Variants in KRABD5 observed in about 807,000 individuals in gnomAD.
The protein encoded by KRABD5 is KRAB domain-containing protein 5.
chr16:31,727,700 G>A, the KRABD5 span, among the ~76,000 whole-genome samples: 2 of 151,900 alleles, frequency 1.3e-5, no homozygotes, highest in Non-Finnish European at 2.9e-5. Context: ...TCTGTTCAGT[G>A]TTTCTGTTTC....
chr16:31,755,584 G>C, the KRABD5 span: 2 of 468,250 alleles, frequency 4.3e-6, no homozygotes, highest in African/African-American at 4.0e-5. Flanking sequence ...CCTTTAACCG[G>C]TCTTCAAACC....
chr16:31,721,730 A>G, the KRABD5 span, among the ~76,000 whole-genome samples: 1 of 152,232 alleles, frequency 6.6e-6, no homozygotes. Context: ...TGTAAATTTC[A>G]TAAAACTCTC....
At chr16:31,751,592 T>C in the KRABD5 span, among the ~76,000 whole-genome samples, 3 of 152,222 alleles carry the variant, frequency 2.0e-5, no homozygotes, top group Admixed American at 6.5e-5. Flanking sequence ...GAATCTTTTG[T>C]ATACCTGTGG....
At chr16:31,718,227 C>T in the KRABD5 span, among the ~76,000 whole-genome samples, 3 of 152,198 alleles carry the variant, frequency 2.0e-5, no homozygotes. Flanking sequence ...GAGCAGAATT[C>T]CTGAGGGGCT....
At chr16:31,740,008 G>C in the KRABD5 span, among the ~76,000 whole-genome samples, 127 of 152,136 alleles carry the variant, frequency 8.3e-4, no homozygotes, top group Non-Finnish European at 1.4e-3. Context: ...TTTCCTGTAA[G>C]GAATACTTTT....
At chr16:31,734,008 C>A in the KRABD5 span, among the ~76,000 whole-genome samples, 92,281 of 152,030 alleles carry the variant, frequency 0.61, 29,076 homozygotes, top group Middle Eastern at 0.73. Flanking sequence ...ATTTTCATGA[C>A]CAAGCTTTCC....
At chr16:31,717,661 C>G in the KRABD5 span, among the ~76,000 whole-genome samples, 1 of 152,124 alleles carries the variant, frequency 6.6e-6, no homozygotes. Flanking sequence ...CCTTCACATT[C>G]TGGTCTCATT....
At chr16:31,714,732 A>G in the KRABD5 span, among the ~76,000 whole-genome samples, 37 of 152,180 alleles carry the variant, frequency 2.4e-4, no homozygotes, top group Non-Finnish European at 4.9e-4. Context: ...CACAGCAGCC[A>G]TGGAGGGAGC....
the KRABD5 span, among the ~76,000 whole-genome samples, chr16:31,742,934 A>G: frequency 6.6e-6 from 1 of 152,016 alleles, no homozygotes; most frequent in Non-Finnish European, 1.5e-5. Context: ...TGTTTTTCTT[A>G]TGTTTGTTGG....
the KRABD5 span, among the ~76,000 whole-genome samples, chr16:31,732,144 T>G: frequency 6.6e-6 from 1 of 152,222 alleles, no homozygotes; most frequent in Non-Finnish European, 1.5e-5. Flanking sequence ...CCATGATCAA[T>G]AAGCCTACCC....
chr16:31,741,498 A>G, the KRABD5 span, among the ~76,000 whole-genome samples: 6 of 152,272 alleles, frequency 3.9e-5, no homozygotes, highest in East Asian at 1.2e-3. Flanking sequence ...AGTAATCACT[A>G]TTCTGAGTGG....
chr16:31,754,635 A>G, the KRABD5 span: 3 of 465,072 alleles, frequency 6.5e-6, no homozygotes, highest in Admixed American at 4.7e-5. Context: ...GCCAAATGTA[A>G]TAAGTGTATA....
the KRABD5 span, among the ~76,000 whole-genome samples, chr16:31,743,361 C>T: frequency 6.6e-6 from 1 of 152,090 alleles, no homozygotes; most frequent in South Asian, 2.1e-4. Flanking sequence ...TTTCCCAGCA[C>T]CATTTATTAA....
chr16:31,733,521 G>C, the KRABD5 span: 4 of 456,034 alleles, frequency 8.8e-6, no homozygotes, highest in Non-Finnish European at 1.8e-5. Flanking sequence ...AAGTCAAAGT[G>C]AATACCCATT....
chr16:31,743,306 C>T, the KRABD5 span, among the ~76,000 whole-genome samples: 571 of 152,120 alleles, frequency 3.8e-3, 1 homozygote, highest in Non-Finnish European at 5.0e-3. Flanking sequence ...GTATAAGGTG[C>T]AAGAAAAGGG....
At chr16:31,717,881 T>C in the KRABD5 span, among the ~76,000 whole-genome samples, 2 of 152,104 alleles carry the variant, frequency 1.3e-5, no homozygotes, top group Non-Finnish European at 2.9e-5. Context: ...CAGAATGGTC[T>C]TTCTGCTTGT....
the KRABD5 span, among the ~76,000 whole-genome samples, chr16:31,743,731 A>G: frequency 2.0e-5 from 3 of 152,190 alleles, no homozygotes; most frequent in Non-Finnish European, 4.4e-5. Flanking sequence ...CATTTTCACA[A>G]TGTTGATTCT....
At chr16:31,718,133 C>G in the KRABD5 span, among the ~76,000 whole-genome samples, 1 of 152,118 alleles carries the variant, frequency 6.6e-6, no homozygotes, top group Non-Finnish European at 1.5e-5. Context: ...GCAGAAGGTG[C>G]GTGCCACTTC....
chr16:31,713,814 G>A, the KRABD5 span, among the ~76,000 whole-genome samples: 1 of 152,224 alleles, frequency 6.6e-6, no homozygotes, highest in Non-Finnish European at 1.5e-5. Flanking sequence ...AAATTAAGGG[G>A]AGTCACCCTT....
Sources: allele counts gnomAD v4.1 joint callset (sites outside exome capture counted in the v4.1 genomes callset), GRCh38; gene constraint gnomAD v4.1.1; transcripts MANE v1.5; gene names NCBI Gene and HGNC (gene_info 2026-07-23, HGNC 2026-07-21).